The following SLC2A2 variants were observed in gnomAD, a reference collection of about 807,000 sequenced individuals.
SLC2A2 encodes solute carrier family 2 member 2.
Under a neutral mutation model 54.5 loss-of-function variants are expected in SLC2A2, and 36 were observed. That is an observed-to-expected ratio of 0.66 (90% CI 0.51 to 0.87). The LOEUF (loss-of-function observed/expected upper bound fraction) is 0.87. Ranked by LOEUF, SLC2A2 falls within the 40% of genes least tolerant of loss-of-function variation. SLC2A2 has a pLI of 0.00. For synonymous variants in SLC2A2, 223 were observed against 219.1 expected, an observed-to-expected ratio of 1.02 and a Z score of -0.16; for missense variants, 543 against 624.3, an observed-to-expected ratio of 0.87 and a Z score of 1.39.
rs1715579038 is a variant in SLC2A2, at chr3:171,005,929, A to G, written c.775+14T>C. On this transcript the variant is annotated intron_variant, in intron 6 of 10. Coordinates refer to ENST00000314251, the MANE Select transcript of SLC2A2 (RefSeq NM_000340.2). ...AAAACAATAGGAAGAAAGAAAAACCATCCACAGACTTACTTTGTTTTGCTT... is the reference window on the plus strand; with the variant it reads ...AAAACAATAGGAAGAAAGAAAAACCGTCCACAGACTTACTTTGTTTTGCTT... 1 of 1,610,656 alleles carries G rather than the reference A, an allele frequency of 6.2e-7. No individual in the cohort carries two copies. Among genetic ancestry groups the G allele is most frequent in the Non-Finnish European group, 8.5e-7 (1 of 1,177,372 alleles).
intron 8 of SLC2A2, among the ~76,000 whole-genome samples, chr3:170,999,936 T>A (rs1715269566): frequency 6.6e-6 from 1 of 152,096 alleles, no homozygotes; most frequent in African/African-American, 2.4e-5. Flanking sequence ...GACCAGAGTT[T>A]GTTATACTCT....
In SLC2A2 at chr3:171,009,985, C is replaced by A; in HGVS notation, c.469G>T (p.Gly157Ter). The A allele has an allele frequency of 6.2e-7, 1 of 1,607,592 alleles. No individual in the cohort carries two copies. The highest frequency in any genetic ancestry group is 8.5e-7 in the Non-Finnish European group (1 of 1,176,998). The change falls in exon 4 of 11, where the codon GGA (glycine) becomes TGA (stop). Residue 157 changes from glycine (G) to a stop codon, truncating the protein, a stop_gained. Transcript: ENST00000314251. LOFTEE classifies it high-confidence loss of function. ...CAATATAGTCCTGATATGCTTCTTC[C>A]AGCAATTATAAGTATATGAGATGGT... ...LGPSHILIIA[G>*]RSISGLYCGL...
At chr3:171,018,229 CT>C (rs1165900701) in intron 2 of SLC2A2, among the ~76,000 whole-genome samples, 5 of 149,308 alleles carry the variant, frequency 3.3e-5, no homozygotes, top group South Asian at 2.1e-4. Flanking sequence ...CTCTTTTTTT[CT>C]TTTTTTTTTC....
chr3:171,013,201 C>T (rs1715970692), intron 3 of SLC2A2, among the ~76,000 whole-genome samples: 2 of 152,050 alleles, frequency 1.3e-5, no homozygotes, highest in South Asian at 4.1e-4. Flanking sequence ...TCTGAGCCCA[C>T]TTGCTAGGAA....
rs745907191 is a variant in SLC2A2 at position 171,007,184 on chromosome 3, A to G, written c.576T>C (p.His192=). 1.3e-5 allele frequency: 21 copies of G among 1,612,592 alleles called. No individual in the cohort carries two copies. Among genetic ancestry groups the G allele is most frequent in the Non-Finnish European group, 1.8e-5 (21 of 1,179,080 alleles). Residue 192 remains histidine (H), a synonymous_variant, in exon 5 of 11, where the codon CAT becomes CAC. Transcript: ENST00000314251. The part of the protein sequence containing the change: ...TALRGALGTF[H]QLAIVTGILI... ...GAATGCCCGTGACGATGGCCAGCTG[A>G]TGAAAAGTGCCAAGTGCTCCCCTGA...
chr3:171,002,899 G>T (rs1715406018), intron 7 of SLC2A2, among the ~76,000 whole-genome samples: 1 of 151,908 alleles, frequency 6.6e-6, no homozygotes, highest in Non-Finnish European at 1.5e-5. Context: ...ATTTAGTTGA[G>T]AACTCTGCTA....
chr3:170,999,407 G>GT (rs1327313352), intron 8 of SLC2A2, among the ~76,000 whole-genome samples: 1 of 151,992 alleles, frequency 6.6e-6, no homozygotes, highest in South Asian at 2.1e-4. Context: ...AGTCACATTG[G>GT]TTTGAATAGA....
chr3:171,019,090 T>C (rs1203135131), intron 1 of SLC2A2, among the ~76,000 whole-genome samples: 8 of 66,708 alleles, frequency 1.2e-4, no homozygotes, highest in African/African-American at 5.1e-4. Flanking sequence ...TATATATGTG[T>C]GTGTGTGTAT....
At chr3:171,026,603 C>G in intron 1 of SLC2A2, 53 bp downstream of exon 1, 1 of 1,499,892 alleles carries the variant, frequency 6.7e-7, no homozygotes, top group Non-Finnish European at 9.3e-7. Context: ...TGACTGTATT[C>G]CCCTAACTAT....
At chr3:171,007,647 A>C (rs1417490694) in intron 4 of SLC2A2, among the ~76,000 whole-genome samples, 1 of 152,068 alleles carries the variant, frequency 6.6e-6, no homozygotes, top group Non-Finnish European at 1.5e-5. Flanking sequence ...AAATCAGAAC[A>C]TATCTCCACC....
chr3:171,021,319 C>G (rs1716454580), intron 1 of SLC2A2, among the ~76,000 whole-genome samples: 2 of 152,166 alleles, frequency 1.3e-5, no homozygotes, highest in South Asian at 2.1e-4. Flanking sequence ...TCACTGAAAC[C>G]AGGACAATCT....
Position 171,006,170 on chromosome 3 carries a change from T to C in SLC2A2, c.613-65A>G, listed in dbSNP as rs890155824. ...TTTGGATCTACCTTTTACACTAGTT[T>C]GTTGAAAAAGTACTTTGGCTATTTA... is the stretch of plus-strand genomic sequence containing the variant. On this transcript the variant is annotated intron_variant, in intron 5 of 10. Transcript: ENST00000314251. 4.7e-6 allele frequency: 7 copies of C among 1,493,612 alleles called. No individual in the cohort carries two copies. In the African/African-American group the frequency reaches 9.8e-5, roughly 21 times the overall value. The allele number at this position is 1,493,612 out of a possible 1,614,324, so 92.5% of individuals were successfully genotyped here.
rs1226581372 is a variant in SLC2A2, at chr3:171,018,641, C to G, written c.16-18G>C. 1 of 1,577,988 alleles carries G rather than the reference C, an allele frequency of 6.3e-7. No homozygotes were observed. Among genetic ancestry groups the G allele is most frequent in the African/African-American group, 1.3e-5 (1 of 74,232 alleles). The stretch of plus-strand genomic sequence containing the variant: ...CCAGTGACCTGCAGGGGGCGAGACA[C>G]AGGGCAGGGAAACACCAGGCAATTT... On this transcript the variant is annotated intron_variant, in intron 1 of 10. Coordinates refer to ENST00000314251, the MANE Select transcript of SLC2A2 (RefSeq NM_000340.2).
intron 7 of SLC2A2, 148 bp from the exon 8 acceptor site, chr3:171,002,828 A>G (rs1715401590): frequency 3.1e-6 from 2 of 636,178 alleles, no homozygotes; most frequent in Non-Finnish European, 5.6e-6. Context: ...CTTCCAAGGA[A>G]GAGAACCCTC....
rs537256236 is a variant in SLC2A2, at chr3:170,998,050, A to G, written c.1428T>C (p.Phe476=). ...GAACTTTAAAAAATGTGAACAGGGT[A>G]AAGGCCAGGAGCACTCCAGCAAAGA... ...FFLFAGVLLA[F]TLFTFFKVPE... Residue 476 remains phenylalanine, a synonymous_variant, in exon 11 of 11, where the codon TTT becomes TTC. Coordinates refer to ENST00000314251, the MANE Select transcript of SLC2A2 (RefSeq NM_000340.2). 1.4e-5 allele frequency: 23 copies of G among 1,613,680 alleles called. No homozygotes were observed. The African/African-American group carries it at 2.7e-4, about 19-fold the overall frequency.
intron 1 of SLC2A2, among the ~76,000 whole-genome samples, chr3:171,023,332 C>T (rs1006908946): frequency 2.6e-5 from 4 of 152,124 alleles, no homozygotes; most frequent in Non-Finnish European, 4.4e-5. Flanking sequence ...TTTCCTTTTG[C>T]TTTCTTTTTC....
intron 7 of SLC2A2, among the ~76,000 whole-genome samples, chr3:171,003,016 A>G (rs563070424): frequency 6.6e-6 from 1 of 152,126 alleles, no homozygotes; most frequent in South Asian, 2.1e-4. Flanking sequence ...CACAAACTGA[A>G]CACACCTATG....
chr3:171,009,685 A>G (rs560205468), intron 4 of SLC2A2, among the ~76,000 whole-genome samples: 123 of 152,172 alleles, frequency 8.1e-4, no homozygotes, highest in Admixed American at 2.4e-3. Flanking sequence ...GAAGCAACTG[A>G]GAGTCAGAGT....
At chr3:171,025,212 A>G (rs968485160) in intron 1 of SLC2A2, among the ~76,000 whole-genome samples, 1 of 151,854 alleles carries the variant, frequency 6.6e-6, no homozygotes, top group Non-Finnish European at 1.5e-5. Flanking sequence ...CTTTAAATAC[A>G]TACTATATAA....
Sources: gnomAD v4.1 joint callset for allele counts (sites outside exome capture counted in the v4.1 genomes callset) on GRCh38, gnomAD v4.1.1 for gene constraint, MANE v1.5 for transcripts, NCBI Gene and HGNC (gene_info 2026-07-23, HGNC 2026-07-21) for gene names.